The following ERCC3 variants were observed in gnomAD, a reference collection of about 807,000 sequenced individuals.
ERCC3 encodes general transcription and DNA repair factor IIH helicase/translocase subunit XPB.
ERCC3 carries 66 observed loss-of-function variants against 94.2 expected under a neutral mutation model. The ratio of observed to expected loss-of-function variants is 0.70; its 90% confidence interval spans 0.57 to 0.86. The LOEUF (loss-of-function observed/expected upper bound fraction) is 0.86, where lower values mean the gene tolerates loss of function less well. Ranked by LOEUF, ERCC3 falls within the 40% of genes least tolerant of loss-of-function variation. The pLI, the probability that ERCC3 is intolerant of heterozygous loss-of-function variation, is 0.00. For synonymous variants in ERCC3, 349 were observed against 369.1 expected, an observed-to-expected ratio of 0.95 and a Z score of 0.63; for missense variants, 829 against 987.1, an observed-to-expected ratio of 0.84 and a Z score of 2.15.
intron 13 of ERCC3, chr2:127,260,888 G>A: frequency 3.1e-6 from 1 of 319,262 alleles, no homozygotes. Context: ...TGTCTGGGAG[G>A]CAAACTGAGG....
chr2:127,285,396 C>A (rs1476973307), intron 8 of ERCC3, among the ~76,000 whole-genome samples: 1 of 152,090 alleles, frequency 6.6e-6, no homozygotes. Context: ...CCTTTCTCTA[C>A]TAAAAATACA....
At chr2:127,287,125 G>C (rs1558961102) in intron 7 of ERCC3, 108 bp from the exon 8 acceptor site, 1 of 835,274 alleles carries the variant, frequency 1.2e-6, no homozygotes, top group Non-Finnish European at 2.0e-6. Context: ...TCTTGTAACA[G>C]TCCACATAGC....
At chr2:127,261,590 G>T (rs941805062) in intron 12 of ERCC3, 3 of 497,420 alleles carry the variant, frequency 6.0e-6, no homozygotes, top group African/African-American at 5.8e-5. Flanking sequence ...TCTGATAAGG[G>T]ATTTGTATCT....
Position 127,289,693 on chromosome 2 carries a change from G to A in ERCC3, c.653C>T (p.Ser218Phe). ...GTGGCCCAGGAGTCCACATACGGCA[G>A]ATTTGCTTGTGAAAGTCTCTGTGAT... is the stretch of plus-strand genomic sequence containing the variant. ...ELITETFTSK[S>F]AISKTAESSG... The change falls in exon 5 of 15, where the codon TCT (serine) becomes TTT (phenylalanine). Residue 218 changes from serine to phenylalanine, a missense_variant. Ser to Phe is a radical substitution (Grantham distance 155). Transcript: ENST00000285398. 6.2e-7 allele frequency: 1 copy of A among 1,614,190 alleles called. No homozygotes were observed. Among genetic ancestry groups the A allele is most frequent in the South Asian group, 1.1e-5 (1 of 91,082 alleles).
At position 127,274,097 on chromosome 2, in the gene ERCC3, T is replaced by C. The variant is rs1330126305; in HGVS notation, c.1731-1136A>G. Among the ~76,000 whole-genome samples the C allele has an allele frequency of 1.3e-5, 2 of 151,726 alleles. No individual in the cohort carries two copies. Among genetic ancestry groups the C allele is most frequent in the African/African-American group, 4.8e-5 (2 of 41,284 alleles). ...GGGAGGCGGAGGTGGGTGGATCACC[T>C]GAGGCCAGGAGTTCGAGACCAGCCT... On this transcript the variant is annotated intron_variant, in intron 10 of 14. Transcript: ENST00000285398. This position sits in a 1 kb window ranked among gnomAD's most constrained non-coding sequence, Gnocchi z 4.0.
Position 127,289,353 on chromosome 2 carries a change from G to C in ERCC3, c.806C>G (p.Ser269Cys), listed in dbSNP as rs1685186960. ...TTCACTAACCTGCTTGACTTCAAAA[G>C]ACACTGTCTGTGTCTCTTCTTCTTC... ...EEEEEETQTV[S>C]FEVKQEMIEE... The change falls in exon 6 of 15, where the codon TCT (serine) becomes TGT (cysteine). Residue 269 changes from serine (S) to cysteine (C), a missense_variant. Physicochemically the swap from Ser to Cys is moderately radical, Grantham distance 112 (BLOSUM62 -1). Coordinates refer to ENST00000285398, the MANE Select transcript of ERCC3 (RefSeq NM_000122.2). 1 of 1,613,792 alleles carries C rather than the reference G, an allele frequency of 6.2e-7. No homozygotes were observed. The highest frequency in any genetic ancestry group is 8.5e-7 in the Non-Finnish European group (1 of 1,180,020).
intron 5 of ERCC3, 62 bp from the exon 6 acceptor site, chr2:127,289,563 G>A: frequency 6.2e-7 from 1 of 1,602,566 alleles, no homozygotes; most frequent in Non-Finnish European, 8.5e-7. Context: ...ATCAAGCAAT[G>A]GGTGAAGTTG....
At position 127,257,346 on chromosome 2, in the gene ERCC3, T is replaced by C. The variant is rs1368209196; in HGVS notation, c.*250A>G. The C allele has an allele frequency of 3.7e-6, 2 of 542,952 alleles. No homozygotes were observed. The highest frequency in any genetic ancestry group is 6.3e-5 in the Admixed American group (2 of 31,864). 33.6% of individuals were successfully genotyped at this position (542,952 alleles called of 1,614,324 possible). On this transcript the variant is annotated 3_prime_UTR_variant, in exon 15 of 15. Coordinates refer to ENST00000285398, the MANE Select transcript of ERCC3 (RefSeq NM_000122.2). The surrounding 1 kb of genome is among the most constrained non-coding windows in gnomAD (Gnocchi z 5.4). Reference sequence around the variant, plus strand: ...AACGGTAACATAAATACACCTTAAATATTAACATTTTTTATATACAGAAAT... The same window carrying C: ...AACGGTAACATAAATACACCTTAAACATTAACATTTTTTATATACAGAAAT...
Position 127,291,423 on chromosome 2 carries a change from C to A in ERCC3, c.472-1150G>T, listed in dbSNP as rs544743536. On this transcript the variant is annotated intron_variant, in intron 3 of 14. Transcript: ENST00000285398. This position sits in a 1 kb window ranked among gnomAD's most constrained non-coding sequence, Gnocchi z 4.9. ...TACAGGCACCCACCACCATGCCTGG[C>A]GAATTTTTGTATTTTTAGTAGAGAC... Among the ~76,000 whole-genome samples the A allele has an allele frequency of 2.6e-5, 4 of 152,096 alleles. No individual in the cohort carries two copies. The highest frequency in any genetic ancestry group is 4.4e-5 in the Non-Finnish European group (3 of 68,022).
Position 127,292,818 on chromosome 2 carries a change from G to A in ERCC3, c.263C>T (p.Ala88Val), listed in dbSNP as rs762406830. The A allele has an allele frequency of 1.9e-6, 3 of 1,613,388 alleles. No homozygotes were observed. The highest frequency in any genetic ancestry group is 1.7e-5 in the Admixed American group (1 of 60,016). Residue 88 changes from alanine to valine, a missense_variant, in exon 3 of 15, where the codon GCC becomes GTC. Coordinates refer to ENST00000285398, the MANE Select transcript of ERCC3 (RefSeq NM_000122.2). ...VAPDGHIFLE[A>V]FSPVYKYAQD... is the part of the protein sequence containing the mutation. ...GGCATATTTGTAAACTGGAGAGAAG[G>A]CTTCCAAGAAGATATGGCCATCGGG...
intron 10 of ERCC3, among the ~76,000 whole-genome samples, chr2:127,273,506 T>C (rs1000606436): frequency 4.0e-5 from 6 of 151,614 alleles, no homozygotes; most frequent in African/African-American, 1.5e-4. Flanking sequence ...TCCCAGCACT[T>C]TGGGATGCCG....
intron 12 of ERCC3, among the ~76,000 whole-genome samples, chr2:127,270,847 T>TG (rs1325585640): frequency 6.6e-6 from 1 of 152,202 alleles, no homozygotes; most frequent in East Asian, 1.9e-4. Context: ...TCACTGAGCT[T>TG]GCCCTGCCCC....
At position 127,294,130 on chromosome 2, in the gene ERCC3, C is replaced by T. The variant is rs1203650901; in HGVS notation, c.-49G>A. Reference sequence around the variant, plus strand: ...GATGACCCCGCTCCCACAGGCCCGCCGCGGCATCCGCTCTGGGGGGACTTC... The same window carrying T: ...GATGACCCCGCTCCCACAGGCCCGCTGCGGCATCCGCTCTGGGGGGACTTC... On this transcript the variant is annotated 5_prime_UTR_variant, in exon 1 of 15. Transcript: ENST00000285398. 1 of 1,593,752 alleles carries T rather than the reference C, an allele frequency of 6.3e-7. No individual in the cohort carries two copies. Among genetic ancestry groups the T allele is most frequent in the Non-Finnish European group, 8.5e-7 (1 of 1,173,310 alleles).
chr2:127,285,972 T>C lies in ERCC3; in HGVS notation c.1342+731A>G, dbSNP rs550095705. Among the ~76,000 whole-genome samples the C allele has an allele frequency of 4.9e-4, 69 of 142,210 alleles. 1 individual carries two copies. The highest frequency in any genetic ancestry group is 1.5e-3 in the African/African-American group (62 of 40,180). The allele number at this position is 142,210 out of a possible 152,430, so 93.3% of individuals were successfully genotyped here. On this transcript the variant is annotated intron_variant, in intron 8 of 14. Coordinates refer to ENST00000285398, the MANE Select transcript of ERCC3 (RefSeq NM_000122.2). The stretch of plus-strand genomic sequence containing the variant: ...TTTTATGGTATATAAATTAAATCAA[T>C]AGAGCAGCTTAAAAAAAAAAGGTTT...
chr2:127,263,446 A>G (rs1350347582), intron 12 of ERCC3, among the ~76,000 whole-genome samples: 1 of 152,170 alleles, frequency 6.6e-6, no homozygotes, highest in Admixed American at 6.5e-5. Flanking sequence ...GTGTATAGAA[A>G]TGCTACTGAT....
Position 127,292,773 on chromosome 2 carries a change from A to G in ERCC3, c.308T>C (p.Ile103Thr), listed in dbSNP as rs1311592942. ...GGTTGGTCGGCACACTGGCTCTGCA[A>G]TAGCCACCAAGAAGTCTTGGGCATA... is the stretch of plus-strand genomic sequence containing the variant. ...YKYAQDFLVA[I>T]AEPVCRPTHV... The change falls in exon 3 of 15, where the codon ATT becomes ACT. Residue 103 changes from isoleucine to threonine, a missense_variant. Coordinates refer to ENST00000285398, the MANE Select transcript of ERCC3 (RefSeq NM_000122.2). 1.2e-6 allele frequency: 2 copies of G among 1,613,892 alleles called. No individual in the cohort carries two copies. Among genetic ancestry groups the G allele is most frequent in the Non-Finnish European group, 1.7e-6 (2 of 1,180,034 alleles).
In ERCC3 at chr2:127,259,248, GC is replaced by G; in HGVS notation, c.2217+47del. On this transcript the variant is annotated intron_variant, in intron 14 of 14. Coordinates refer to ENST00000285398, the MANE Select transcript of ERCC3 (RefSeq NM_000122.2). The surrounding 1 kb of genome is among the most constrained non-coding windows in gnomAD (Gnocchi z 4.9). Reference sequence around the variant, plus strand: ...GTCTGTGTCTGTGTCTACAAACGCTGCCCTGTGAGAGCACTGACACCTGGAA... The same window carrying G: ...GTCTGTGTCTGTGTCTACAAACGCTGCCTGTGAGAGCACTGACACCTGGAA... The G allele has an allele frequency of 6.2e-7, 1 of 1,607,888 alleles. No individual in the cohort carries two copies.
chr2:127,271,489 G>T lies in ERCC3; in HGVS notation c.1828-36C>A. 1 of 1,164,316 alleles carries T rather than the reference G, an allele frequency of 8.6e-7. No homozygotes were observed. The highest frequency in any genetic ancestry group is 1.2e-6 in the Non-Finnish European group (1 of 809,174). The allele number at this position is 1,164,316 out of a possible 1,614,324, so 72.1% of individuals were successfully genotyped here. On this transcript the variant is annotated intron_variant, in intron 11 of 14. Transcript: ENST00000285398. This position sits in a 1 kb window ranked among gnomAD's most constrained non-coding sequence, Gnocchi z 5.0. ...AAGTTGGAAGGTTTTTATATATGAG[G>T]AAAAAAAAAAAGTCAACTGATCCAG...
intron 2 of ERCC3, 53 bp downstream of exon 2, chr2:127,293,460 T>C: frequency 1.3e-6 from 2 of 1,531,092 alleles, no homozygotes; most frequent in African/African-American, 1.4e-5. Context: ...GCCCAAGATT[T>C]AGCTGCCGCT....
Sources: allele counts gnomAD v4.1 joint callset (sites outside exome capture counted in the v4.1 genomes callset), GRCh38; gene constraint gnomAD v4.1.1; non-coding constraint Gnocchi (gnomAD v3.1); transcripts MANE v1.5; gene names NCBI Gene and HGNC (gene_info 2026-07-23, HGNC 2026-07-21).